TENM2: variants seen among roughly 807,000 people sequenced by gnomAD.
The protein encoded by TENM2 is teneurin transmembrane protein 2.
A neutral mutation model predicts 245.2 loss-of-function variants in TENM2; 52 were observed. That is an observed-to-expected ratio of 0.21 (90% confidence interval 0.17 to 0.27). TENM2 has a LOEUF of 0.27. Ranked by LOEUF, TENM2 falls within the 10% of genes least tolerant of loss-of-function variation. The probability of loss-of-function intolerance (pLI) is 1.00; values close to 1 mark genes in which losing one functional copy is unlikely to be tolerated. For synonymous variants in TENM2, 1,363 were observed against 1,438.9 expected (o/e 0.95, Z 1.19); for missense variants, 3,046 against 3,666.8 (o/e 0.83, Z 4.37).
At position 167,818,422 on chromosome 5, in the gene TENM2, T is replaced by C. The variant is rs75991962; in HGVS notation, c.503-57564T>C. On this transcript the variant is annotated intron_variant, in intron 2 of 28. Transcript: ENST00000518659. ...CTGATAACATTTTGAAAATTTATAA[T>C]AGCTGAGGGTTGTTATAAGCTCATA... 6.2e-3 allele frequency among the ~76,000 whole-genome samples: 942 copies of C among 152,306 alleles called. 13 individuals are homozygous for C. Among genetic ancestry groups the C allele is most frequent in the African/African-American group, 0.022 (901 of 41,558 alleles).
the TENM2 span, among the ~76,000 whole-genome samples, chr5:167,202,522 G>A: frequency 7.2e-5 from 11 of 152,004 alleles, no homozygotes; most frequent in African/African-American, 2.7e-4. Flanking sequence ...GTATTCTGTC[G>A]GAGAAAGCCA....
intron 3 of TENM2, among the ~76,000 whole-genome samples, chr5:167,909,477 C>G (rs1776377968): frequency 6.6e-6 from 1 of 152,154 alleles, no homozygotes; most frequent in African/African-American, 2.4e-5. Flanking sequence ...TGTAAAATTA[C>G]TCAATGAAAT....
rs192881784 is a variant in TENM2 at position 167,633,251 on chromosome 5, T to C, written c.503-242735T>C. Among the ~76,000 whole-genome samples, 116 of 152,256 alleles carry C rather than the reference T, an allele frequency of 7.6e-4. 1 individual carries two copies. Among genetic ancestry groups the C allele is most frequent in the Middle Eastern group, 3.4e-3 (1 of 294 alleles). Reference sequence around the variant, plus strand: ...GTTCGCTAAGTAACTCAGAGGCACATAGATTTATCAGACATGGCCCCTCTG... The same window carrying C: ...GTTCGCTAAGTAACTCAGAGGCACACAGATTTATCAGACATGGCCCCTCTG... On this transcript the variant is annotated intron_variant, in intron 2 of 28. Transcript: ENST00000518659.
At chr5:167,356,217 A>AAAAAGAAAAAGAAAAATT (rs1759321624) in intron 1 of TENM2, among the ~76,000 whole-genome samples, 1 of 129,104 alleles carries the variant, frequency 7.7e-6, no homozygotes, top group African/African-American at 3.2e-5. Context: ...AAAAAAAAAA[A>AAAAAGAAAAAGAAAAATT]AAAATTAAAA....
chr5:167,986,729 G>A (rs1190814430), intron 4 of TENM2, among the ~76,000 whole-genome samples: 1 of 152,102 alleles, frequency 6.6e-6, no homozygotes, highest in African/African-American at 2.4e-5. Context: ...ATGACCGACC[G>A]CTGGGAAGAA....
chr5:167,426,058 A>T (rs1286807617), intron 2 of TENM2, among the ~76,000 whole-genome samples: 1 of 152,104 alleles, frequency 6.6e-6, no homozygotes, highest in African/African-American at 2.4e-5. Flanking sequence ...GTTACTGGGA[A>T]TGAAATCGAC....
intron 12 of TENM2, among the ~76,000 whole-genome samples, chr5:168,158,955 A>T (rs1419668340): frequency 1.4e-5 from 2 of 147,384 alleles, no homozygotes; most frequent in African/African-American, 2.5e-5. Context: ...ACATATATAT[A>T]TGTACGTGTA....
intron 4 of TENM2, among the ~76,000 whole-genome samples, chr5:167,955,714 T>C (rs1192394088): frequency 2.0e-5 from 3 of 152,242 alleles, no homozygotes; most frequent in Non-Finnish European, 4.4e-5. Context: ...ACACCATTTA[T>C]TAAATAGGGA....
rs1554127838 is a variant in TENM2, at chr5:167,834,661, T to TTTTTTTTC, written c.503-41325_503-41324insTTTTTTTC. ...ATTTCTTTTTTTTTTTTTTTTTTTTTCTTTTTGAGACGGAGTCTCGCTCTG... is the reference window on the plus strand; with the variant it reads ...ATTTCTTTTTTTTTTTTTTTTTTTTTTTTTTTTCCTTTTTGAGACGGAGTCTCGCTCTG... On this transcript the variant is annotated intron_variant, in intron 2 of 28. Coordinates refer to ENST00000518659, the Ensembl canonical transcript of TENM2. Among the ~76,000 whole-genome samples the TTTTTTTTC allele has an allele frequency of 3.2e-5, 4 of 124,802 alleles. 1 individual carries two copies. The highest frequency in any genetic ancestry group is 5.3e-5 in the Non-Finnish European group (3 of 56,186). The allele number at this position is 124,802 out of a possible 152,430, so 81.9% of individuals were successfully genotyped here.
intron 2 of TENM2, among the ~76,000 whole-genome samples, chr5:167,862,979 T>G (rs1454270735): frequency 6.6e-6 from 1 of 152,232 alleles, no homozygotes; most frequent in Admixed American, 6.5e-5. Flanking sequence ...AAAATTACTC[T>G]TCTCTGTTTG....
intron 2 of TENM2, among the ~76,000 whole-genome samples, chr5:167,626,212 A>G (rs1778490074): frequency 6.6e-6 from 1 of 152,126 alleles, no homozygotes; most frequent in Non-Finnish European, 1.5e-5. Context: ...ATCTTCCACA[A>G]ATTGAGGTGG....
chr5:167,350,969 GGT>G (rs1758855757), intron 1 of TENM2, among the ~76,000 whole-genome samples: 1 of 75,910 alleles, frequency 1.3e-5, no homozygotes, highest in African/African-American at 4.2e-5. Flanking sequence ...ATATATATGG[GGT>G]ATATACATAT....
At chr5:168,024,287 A>G (rs1339716057) in intron 5 of TENM2, among the ~76,000 whole-genome samples, 1 of 152,148 alleles carries the variant, frequency 6.6e-6, no homozygotes, top group Non-Finnish European at 1.5e-5. Context: ...AAGAGGGGTA[A>G]TTGGAGCTCC....
the TENM2 span, among the ~76,000 whole-genome samples, chr5:166,999,876 G>T: frequency 6.6e-6 from 1 of 151,280 alleles, no homozygotes; most frequent in African/African-American, 2.5e-5. Flanking sequence ...GAACTTGAGA[G>T]AAGAGAGGAA....
intron 2 of TENM2, among the ~76,000 whole-genome samples, chr5:167,742,281 T>C (rs538412576): frequency 6.6e-6 from 1 of 152,206 alleles, no homozygotes; most frequent in East Asian, 1.9e-4. Context: ...CCTTAACTTT[T>C]GTTTTTATTC....
the TENM2 span, among the ~76,000 whole-genome samples, chr5:167,170,415 G>A: frequency 1.6e-4 from 24 of 152,254 alleles, no homozygotes; most frequent in African/African-American, 4.3e-4. Flanking sequence ...CAAAATAAAC[G>A]TTGTTTTGGC....
At chr5:168,043,750 C>T (rs1024383265) in intron 5 of TENM2, among the ~76,000 whole-genome samples, 10 of 152,156 alleles carry the variant, frequency 6.6e-5, no homozygotes, top group East Asian at 1.9e-4. Context: ...CTGTAGCCCA[C>T]GTCATCTTCA....
chr5:167,479,971 C>T (rs565741171), intron 2 of TENM2, among the ~76,000 whole-genome samples: 4 of 152,258 alleles, frequency 2.6e-5, no homozygotes, highest in South Asian at 2.1e-4. Flanking sequence ...TGAGTCAACC[C>T]GTCTGGGAAT....
chr5:167,983,295 A>T (rs1209963766), intron 4 of TENM2, among the ~76,000 whole-genome samples: 2 of 152,172 alleles, frequency 1.3e-5, no homozygotes, highest in Admixed American at 6.5e-5. Context: ...ACTGAGCAGT[A>T]TATCATTTCA....
Sources: allele counts gnomAD v4.1 joint callset (sites outside exome capture counted in the v4.1 genomes callset), GRCh38; gene constraint gnomAD v4.1.1; transcripts MANE v1.5; gene names NCBI Gene and HGNC (gene_info 2026-07-23, HGNC 2026-07-21).